The following FMN1 variants were observed in gnomAD, a reference collection of about 807,000 sequenced individuals.
FMN1 encodes formin-1.
FMN1 carries 110 observed loss-of-function variants against 132.4 expected under a neutral mutation model. That is an observed-to-expected ratio of 0.83 (90% CI 0.71 to 0.97). The LOEUF is 0.97. FMN1 is among the 50% of genes least tolerant of loss of function. The pLI is 0.00. For missense variants in FMN1, 1,792 were observed against 1,705.3 expected (o/e 1.05, Z -0.90); for synonymous variants, 722 against 651.7 (o/e 1.11, Z -1.64).
At chr15:33,102,001 AG>A (rs2039311647) in intron 4 of FMN1, among the ~76,000 whole-genome samples, 1 of 152,116 alleles carries the variant, frequency 6.6e-6, no homozygotes, top group African/African-American at 2.4e-5. Context: ...CCCATCCTTC[AG>A]CACCCTCCTT....
At chr15:33,044,560 G>A (rs2036589655) in intron 6 of FMN1, among the ~76,000 whole-genome samples, 1 of 152,176 alleles carries the variant, frequency 6.6e-6, no homozygotes, top group South Asian at 2.1e-4. Flanking sequence ...CTGAGAAGAT[G>A]ACAGGATGAC....
intron 4 of FMN1, among the ~76,000 whole-genome samples, chr15:33,109,916 T>A (rs543056704): frequency 1.1e-4 from 16 of 151,538 alleles, no homozygotes; most frequent in East Asian, 7.8e-4. Flanking sequence ...CCTAAAAAAG[T>A]AAGACAGTGC....
intron 15 of FMN1, 29 bp from the exon 16 acceptor site, chr15:32,888,321 T>C: frequency 6.4e-7 from 1 of 1,552,204 alleles, no homozygotes; most frequent in South Asian, 1.2e-5. Flanking sequence ...AAAAGTACAT[T>C]ATACTTCCCA....
chr15:33,184,959 T>C (rs1337974833), intron 2 of FMN1, among the ~76,000 whole-genome samples: 2 of 152,222 alleles, frequency 1.3e-5, no homozygotes, highest in East Asian at 3.8e-4. Context: ...TGCTACGTTA[T>C]ATGTGTGCTT....
chr15:33,129,168 C>A (rs138121583), intron 4 of FMN1, among the ~76,000 whole-genome samples: 1 of 152,148 alleles, frequency 6.6e-6, no homozygotes, highest in Non-Finnish European at 1.5e-5. Context: ...CAATGTAACT[C>A]GGAGAAAACA....
chr15:33,031,997 G>T (rs1297730315), intron 6 of FMN1, among the ~76,000 whole-genome samples: 2 of 152,154 alleles, frequency 1.3e-5, no homozygotes, highest in African/African-American at 4.8e-5. Flanking sequence ...TAATCATGAA[G>T]TGTTACAATC....
At chr15:33,119,726 A>G (rs974992595) in intron 4 of FMN1, among the ~76,000 whole-genome samples, 2 of 152,220 alleles carry the variant, frequency 1.3e-5, no homozygotes, top group African/African-American at 4.8e-5. Context: ...TCTCAAAACT[A>G]AGCTCTCATA....
At chr15:32,915,910 T>G (rs575601962) in intron 10 of FMN1, among the ~76,000 whole-genome samples, 7 of 152,364 alleles carry the variant, frequency 4.6e-5, no homozygotes, top group Non-Finnish European at 8.8e-5. Context: ...GAAAAGCTGG[T>G]AATTTTATTA....
At chr15:32,811,296 A>C (rs982030691) in intron 17 of FMN1, among the ~76,000 whole-genome samples, 46 of 152,290 alleles carry the variant, frequency 3.0e-4, no homozygotes, top group Admixed American at 6.5e-4. Flanking sequence ...CTGGTCTGTC[A>C]GAGCAAGTGT....
chr15:33,128,711 C>T (rs910220742), intron 4 of FMN1, among the ~76,000 whole-genome samples: 9 of 152,164 alleles, frequency 5.9e-5, no homozygotes, highest in African/African-American at 9.7e-5. Flanking sequence ...CGGACCCTCA[C>T]GGTAAGTGTG....
intron 3 of FMN1, among the ~76,000 whole-genome samples, chr15:33,158,906 G>T (rs1413494148): frequency 6.6e-6 from 1 of 152,146 alleles, no homozygotes; most frequent in Non-Finnish European, 1.5e-5. Flanking sequence ...TAGATTTCAG[G>T]CCAGGCATGG....
intron 7 of FMN1, among the ~76,000 whole-genome samples, chr15:32,981,278 T>TC (rs909105254): frequency 1.3e-5 from 2 of 151,870 alleles, no homozygotes; most frequent in African/African-American, 4.8e-5. Flanking sequence ...GATCATGAGG[T>TC]CAGGAGATTG....
At chr15:33,031,425 G>A (rs1335463966) in intron 6 of FMN1, among the ~76,000 whole-genome samples, 1 of 152,064 alleles carries the variant, frequency 6.6e-6, no homozygotes, top group Non-Finnish European at 1.5e-5. Context: ...CAGAGGAGCT[G>A]CCCCAATTAG....
At chr15:33,155,165 A>C in intron 3 of FMN1, 120 bp from the exon 4 acceptor site, 1 of 381,350 alleles carries the variant, frequency 2.6e-6, no homozygotes, top group Non-Finnish European at 4.8e-6. Flanking sequence ...TCAACAACTC[A>C]AGGAATCAGA....
At chr15:33,174,212 A>G (rs1038833453) in intron 3 of FMN1, among the ~76,000 whole-genome samples, 1 of 152,212 alleles carries the variant, frequency 6.6e-6, no homozygotes, top group African/African-American at 2.4e-5. Flanking sequence ...AAAGAAAAGC[A>G]AAAACATCCA....
intron 3 of FMN1, among the ~76,000 whole-genome samples, chr15:33,171,139 T>G (rs557473126): frequency 1.6e-4 from 25 of 152,332 alleles, no homozygotes; most frequent in Middle Eastern, 3.4e-3. Context: ...ATCGCATGTT[T>G]TCAGTCATAT....
At chr15:32,964,511 C>A (rs558993200) in intron 8 of FMN1, among the ~76,000 whole-genome samples, 1 of 152,188 alleles carries the variant, frequency 6.6e-6, no homozygotes, top group Admixed American at 6.5e-5. Flanking sequence ...TAGAGCTCTA[C>A]AGAAACTCCT....
intron 7 of FMN1, among the ~76,000 whole-genome samples, chr15:33,001,630 GC>G (rs2034119224): frequency 8.8e-6 from 1 of 113,452 alleles, no homozygotes; most frequent in African/African-American, 3.5e-5. Context: ...TGGTCTTTGT[GC>G]TTTTTTTTTT....
intron 18 of FMN1, among the ~76,000 whole-genome samples, chr15:32,802,673 C>A (rs2057520428): frequency 6.6e-6 from 1 of 152,174 alleles, no homozygotes; most frequent in African/African-American, 2.4e-5. Context: ...ACGCTGGGCC[C>A]CCTTTTCCTT....
Sources: gnomAD v4.1 joint callset for allele counts (sites outside exome capture counted in the v4.1 genomes callset) on GRCh38, gnomAD v4.1.1 for gene constraint, MANE v1.5 for transcripts, NCBI Gene and HGNC (gene_info 2026-07-23, HGNC 2026-07-21) for gene names.